RABGAP1L: variants seen among roughly 807,000 people sequenced by gnomAD.
RABGAP1L encodes the protein RAB GTPase activating protein 1 like, also known as rab GTPase-activating protein 1-like.
In RABGAP1L, 63 loss-of-function variants were observed where a neutral mutation model predicts 137.7. The observed-to-expected ratio is 0.46, with a 90% CI of 0.37 to 0.56. RABGAP1L has a LOEUF of 0.56. Ranked by LOEUF, RABGAP1L falls within the 20% of genes least tolerant of loss-of-function variation. The pLI is 0.00. For missense variants in RABGAP1L, 1,095 were observed against 1,244.0 expected, an observed-to-expected ratio of 0.88 and a Z score of 1.80; for synonymous variants, 431 against 433.7, an observed-to-expected ratio of 0.99 and a Z score of 0.08.
chr1:174,529,230 A>G, intron 13 of RABGAP1L, among the ~76,000 whole-genome samples: 1 of 152,040 alleles, frequency 6.6e-6, no homozygotes, highest in East Asian at 1.9e-4. Flanking sequence ...GTGTTATTAC[A>G]TTAATATCTA....
intron 14 of RABGAP1L, among the ~76,000 whole-genome samples, chr1:174,671,232 C>G (rs1677152941): frequency 6.6e-6 from 1 of 152,168 alleles, no homozygotes; most frequent in Non-Finnish European, 1.5e-5. Flanking sequence ...ATTTTTGGTA[C>G]AGTCTTTAGG....
At chr1:174,444,560 C>G (rs1254668178) in intron 13 of RABGAP1L, among the ~76,000 whole-genome samples, 1 of 151,998 alleles carries the variant, frequency 6.6e-6, no homozygotes, top group Non-Finnish European at 1.5e-5. Context: ...AGCAGTGAAG[C>G]CATCAAGTTC....
At chr1:174,548,118 GA>G (rs1666170564) in intron 13 of RABGAP1L, 7 of 1,526,956 alleles carry the variant, frequency 4.6e-6, no homozygotes, top group Non-Finnish European at 6.2e-6. Context: ...TTGCAGTTTA[GA>G]AGCAACTTTA....
chr1:174,418,763 G>T (rs1650905522), intron 13 of RABGAP1L, among the ~76,000 whole-genome samples: 1 of 152,158 alleles, frequency 6.6e-6, no homozygotes, highest in South Asian at 2.1e-4. Flanking sequence ...TACAGTCTGG[G>T]TGCGGTGGCT....
intron 3 of RABGAP1L, among the ~76,000 whole-genome samples, chr1:174,223,110 A>G (rs1162781203): frequency 1.3e-5 from 2 of 151,874 alleles, no homozygotes. Context: ...TCTACTAAAA[A>G]TACAAAAATT....
At chr1:174,895,847 G>T (rs1316713417) in intron 19 of RABGAP1L, among the ~76,000 whole-genome samples, 1 of 152,166 alleles carries the variant, frequency 6.6e-6, no homozygotes, top group Admixed American at 6.5e-5. Context: ...TTTCATTGCT[G>T]GACATTTGGG....
chr1:174,321,974 A>T (rs1468799720), intron 11 of RABGAP1L, among the ~76,000 whole-genome samples: 2 of 144,784 alleles, frequency 1.4e-5, no homozygotes, highest in African/African-American at 5.4e-5. Flanking sequence ...AGAGTTCTTT[A>T]TATATATTAG....
chr1:174,645,808 A>G (rs1674922530), intron 14 of RABGAP1L, among the ~76,000 whole-genome samples: 1 of 152,090 alleles, frequency 6.6e-6, no homozygotes, highest in African/African-American at 2.4e-5. Context: ...GGTTGAACTA[A>G]TTTACACTCT....
At chr1:174,833,368 TTGTGTGTGTGTGTG>T (rs71117578) in intron 19 of RABGAP1L, among the ~76,000 whole-genome samples, 2 of 108,476 alleles carry the variant, frequency 1.8e-5, no homozygotes, top group African/African-American at 3.2e-5. Context: ...ACCAGCTAAT[TTGTGTGTGTGTGTG>T]TGTGTGTGTG....
intron 18 of RABGAP1L, among the ~76,000 whole-genome samples, chr1:174,765,082 C>T (rs1421789819): frequency 6.6e-6 from 1 of 152,228 alleles, no homozygotes; most frequent in East Asian, 1.9e-4. Context: ...ACCATGGCTG[C>T]AACCGTAGGG....
chr1:174,750,429 T>G (rs1485789532), intron 17 of RABGAP1L, among the ~76,000 whole-genome samples: 1 of 152,166 alleles, frequency 6.6e-6, no homozygotes, highest in Non-Finnish European at 1.5e-5. Flanking sequence ...AGAATTGTCT[T>G]TTTGGTTTTC....
chr1:174,221,135 T>C lies in RABGAP1L; in HGVS notation c.302T>C (p.Leu101Pro). 6.2e-7 allele frequency: 1 copy of C among 1,612,352 alleles called. No homozygotes were observed. Reference sequence around the variant, plus strand: ...GCCAGCCAAACAAATAAGCCATCTCTTCAGTTAATTTTGGATCCGTCTAAC... The same window carrying C: ...GCCAGCCAAACAAATAAGCCATCTCCTCAGTTAATTTTGGATCCGTCTAAC... ...IPASQTNKPS[L>P]QLILDPSNTE... The change falls in exon 3 of 26, where the codon CTT (leucine) becomes CCT (proline). Residue 101 changes from leucine (L) to proline (P), a missense_variant. Around this residue, in one of 4 missense-constraint regions of RABGAP1L, gnomAD observed 356 missense variants for 326.3 expected, o/e 1.09. Transcript: ENST00000681986.
Position 174,811,964 on chromosome 1 carries a change from A to G in RABGAP1L, c.2340+4A>G, listed in dbSNP as rs1405921220. The G allele has an allele frequency of 6.3e-7, 1 of 1,582,038 alleles. No individual in the cohort carries two copies. The highest frequency in any genetic ancestry group is 1.4e-5 in the African/African-American group (1 of 73,574). Reference sequence around the variant, plus strand: ...GGAGCAGGCTTGCAATATTAAAGTAAGAACATGAGTTTTTATATAATAAAG... The same window carrying G: ...GGAGCAGGCTTGCAATATTAAAGTAGGAACATGAGTTTTTATATAATAAAG... On this transcript the variant is annotated splice_donor_region_variant and intron_variant, in intron 19 of 25. Coordinates refer to ENST00000681986, the MANE Select transcript of RABGAP1L (RefSeq NM_001366446.1).
intron 14 of RABGAP1L, among the ~76,000 whole-genome samples, chr1:174,676,874 A>T (rs148812962): frequency 1.3e-5 from 2 of 152,232 alleles, no homozygotes; most frequent in African/African-American, 4.8e-5. Context: ...ATTTGAACAG[A>T]TACTGGATTC....
chr1:174,435,957 C>T (rs1653236385), intron 13 of RABGAP1L, among the ~76,000 whole-genome samples: 2 of 152,260 alleles, frequency 1.3e-5, no homozygotes, highest in Non-Finnish European at 2.9e-5. Context: ...TTTCCAGCTT[C>T]ATCCGTGTCC....
chr1:174,641,196 A>G (rs930643479), intron 14 of RABGAP1L, among the ~76,000 whole-genome samples: 1 of 151,940 alleles, frequency 6.6e-6, no homozygotes, highest in Non-Finnish European at 1.5e-5. Flanking sequence ...CAAGGATACA[A>G]CAATCTGACT....
chr1:174,801,498 AC>A (rs1267922192), intron 18 of RABGAP1L, among the ~76,000 whole-genome samples: 1 of 152,214 alleles, frequency 6.6e-6, no homozygotes, highest in Non-Finnish European at 1.5e-5. Flanking sequence ...TCTCTTCTGT[AC>A]AATCATAACA....
chr1:174,548,305 A>G (rs41266052), intron 13 of RABGAP1L: 100,551 of 1,243,084 alleles, frequency 0.081, 5,092 homozygotes, highest in East Asian at 0.3. Context: ...TACCCTCTTA[A>G]TTTATCCATT....
intron 13 of RABGAP1L, among the ~76,000 whole-genome samples, chr1:174,615,164 C>G (rs771805514): frequency 3.3e-5 from 5 of 152,092 alleles, no homozygotes; most frequent in South Asian, 2.1e-4. Flanking sequence ...CTGCTTTTTA[C>G]AGTTTCCAGT....
Sources: gnomAD v4.1 joint callset for allele counts (sites outside exome capture counted in the v4.1 genomes callset) on GRCh38, gnomAD v4.1.1 for gene constraint, gnomAD v4.1.1 regional missense constraint, MANE v1.5 for transcripts, NCBI Gene and HGNC (gene_info 2026-07-23, HGNC 2026-07-21) for gene names.